AMD1: variants seen among roughly 807,000 people sequenced by gnomAD.
AMD1 encodes S-adenosylmethionine decarboxylase proenzyme.
Under a neutral mutation model 40.2 loss-of-function variants are expected in AMD1, and 11 were observed. The ratio of observed to expected loss-of-function variants is 0.27; its 90% CI spans 0.17 to 0.45. The LOEUF is 0.45. AMD1 is among the 20% of genes least tolerant of loss of function. AMD1 has a pLI of 1.00. For missense variants in AMD1, 257 were observed against 410.2 expected, an observed-to-expected ratio of 0.63 and a Z score of 3.23; for synonymous variants, 121 against 130.8, an observed-to-expected ratio of 0.93 and a Z score of 0.51.
chr6:110,861,312 CAT>C, the AMD1 span, among the ~76,000 whole-genome samples: 2 of 149,470 alleles, frequency 1.3e-5, no homozygotes, highest in Non-Finnish European at 3.0e-5. Flanking sequence ...GAGCCGAGAT[CAT>C]GCCACTGCAC....
chr6:110,876,433 T>C (rs562559834), intron 1 of AMD1, among the ~76,000 whole-genome samples: 1 of 152,270 alleles, frequency 6.6e-6, no homozygotes, highest in East Asian at 1.9e-4. Flanking sequence ...CAATGGGCGT[T>C]TTAGGAGTGT....
the AMD1 span, among the ~76,000 whole-genome samples, chr6:110,847,957 G>A: frequency 2.6e-5 from 4 of 151,270 alleles, no homozygotes; most frequent in East Asian, 4.0e-4. Flanking sequence ...CTTGTGATCC[G>A]CCTGCCTCAG....
At chr6:110,815,682 A>C in the AMD1 span, 3 of 152,438 alleles carry the variant, frequency 2.0e-5, no homozygotes, top group African/African-American at 7.3e-5. Context: ...AGAAAGCTCG[A>C]AGTTCCAGTG....
the AMD1 span, among the ~76,000 whole-genome samples, chr6:110,852,140 C>T: frequency 1.4e-5 from 2 of 147,740 alleles, no homozygotes; most frequent in Non-Finnish European, 3.0e-5. Flanking sequence ...GCATCCTCAA[C>T]CTCCCAGCCT....
At position 110,892,725 on chromosome 6, in the gene AMD1, C is replaced by CG. The variant is rs750803371; in HGVS notation, c.616-10_616-9insG. 7 of 1,454,990 alleles carry CG rather than the reference C, an allele frequency of 4.8e-6. No homozygotes were observed. In the African/African-American group the frequency reaches 2.0e-4, roughly 42 times the overall value. The allele number at this position is 1,454,990 out of a possible 1,614,324, so 90.1% of individuals were successfully genotyped here. ...AACCCTTGTTAAACTCGGTCTTTTT[C>CG]CCCCCCCAGGAGAGTGGAATTCGTG... On this transcript the variant is annotated splice_polypyrimidine_tract_variant and intron_variant, in intron 6 of 8. Transcript: ENST00000368885.
intron 1 of AMD1, chr6:110,875,577 G>A (rs1448433411): frequency 5.6e-6 from 1 of 179,104 alleles, no homozygotes; most frequent in East Asian, 1.5e-4. Flanking sequence ...GGCGGCAGGG[G>A]CCCCAGGTGG....
Position 110,894,936 on chromosome 6 carries a change from A to G in AMD1, c.*1320A>G, listed in dbSNP as rs924978975. 3 of 152,240 alleles carry G rather than the reference A, an allele frequency of 2.0e-5. No homozygotes were observed. Among genetic ancestry groups the G allele is most frequent in the Admixed American group, 2.0e-4 (3 of 15,282 alleles). 9.4% of individuals were successfully genotyped at this position (152,240 alleles called of 1,614,324 possible). ...TCAGATAAACATCATAAAGCAGAAT[A>G]CATTATAAATAAGTAGAATATGAAT... On this transcript the variant is annotated 3_prime_UTR_variant, in exon 9 of 9. Coordinates refer to ENST00000368885, the MANE Select transcript of AMD1 (RefSeq NM_001634.6).
At chr6:110,886,347 G>C (rs768001439) in intron 1 of AMD1, among the ~76,000 whole-genome samples, 10 of 151,944 alleles carry the variant, frequency 6.6e-5, no homozygotes, top group Non-Finnish European at 1.3e-4. Flanking sequence ...CGCCCAGCCT[G>C]GTCTCAAACT....
chr6:110,847,435 G>C, the AMD1 span, among the ~76,000 whole-genome samples: 1 of 151,594 alleles, frequency 6.6e-6, no homozygotes, highest in Admixed American at 6.6e-5. Context: ...TGAGGCAGGA[G>C]AATGGCGTGA....
In AMD1 at chr6:110,888,830, T is replaced by C. The variant is rs779936538; in HGVS notation, c.198-27T>C. On this transcript the variant is annotated intron_variant, in intron 2 of 8. Transcript: ENST00000368885. The stretch of plus-strand genomic sequence containing the variant: ...CCTCAGTAGTACATTAGTATTGTTA[T>C]AATATTGTGACTTTTTTCAACTGCA... The C allele has an allele frequency of 1.9e-5, 31 of 1,606,370 alleles. No individual in the cohort carries two copies. In the South Asian group the frequency reaches 2.7e-4, roughly 14 times the overall value.
the AMD1 span, among the ~76,000 whole-genome samples, chr6:110,829,446 G>A: frequency 5.2e-3 from 784 of 152,018 alleles, 6 homozygotes; most frequent in African/African-American, 0.018. Context: ...TTGGGAGGCT[G>A]AGGCGGGCAG....
the AMD1 span, among the ~76,000 whole-genome samples, chr6:110,849,932 G>C: frequency 0.038 from 5,795 of 151,862 alleles, 403 homozygotes; most frequent in East Asian, 0.35. Flanking sequence ...GGTGGGGGGC[G>C]GGGAATCTCT....
At chr6:110,878,696 A>T (rs1785237599) in intron 1 of AMD1, among the ~76,000 whole-genome samples, 1 of 152,196 alleles carries the variant, frequency 6.6e-6, no homozygotes, top group South Asian at 2.1e-4. Context: ...TTTTTATAAG[A>T]CATGGCAGCT....
chr6:110,881,144 T>C (rs1785388677), intron 1 of AMD1, among the ~76,000 whole-genome samples: 1 of 152,216 alleles, frequency 6.6e-6, no homozygotes, highest in African/African-American at 2.4e-5. Context: ...TTGGGATCAT[T>C]TATCATGATC....
chr6:110,828,328 A>G, the AMD1 span, among the ~76,000 whole-genome samples: 2 of 152,028 alleles, frequency 1.3e-5, no homozygotes, highest in Non-Finnish European at 2.9e-5. Flanking sequence ...CCTACTCGGG[A>G]GGCTGAGGCA....
chr6:110,876,613 C>T (rs1785129406), intron 1 of AMD1, among the ~76,000 whole-genome samples: 1 of 152,076 alleles, frequency 6.6e-6, no homozygotes, highest in Admixed American at 6.6e-5. Flanking sequence ...TGTCACACGT[C>T]TCATTTTTTT....
rs1253241457 is a variant in AMD1, at chr6:110,892,355, C to G, written c.527C>G (p.Thr176Ser). 2.5e-6 allele frequency: 4 copies of G among 1,613,118 alleles called. No individual in the cohort carries two copies. Among genetic ancestry groups the G allele is most frequent in the Non-Finnish European group, 3.4e-6 (4 of 1,180,024 alleles). Reference protein sequence around the residue: ...ESRVISQPDQTLEILMSELDP... With the variant: ...ESRVISQPDQSLEILMSELDP... ...CGGGTAATCAGTCAGCCAGATCAAACCTTGGAAATTCTGATGAGTGAGCTT... is the reference window on the plus strand; with the variant it reads ...CGGGTAATCAGTCAGCCAGATCAAAGCTTGGAAATTCTGATGAGTGAGCTT... The change falls in exon 6 of 9, where the codon ACC (threonine) becomes AGC (serine). Residue 176 changes from threonine (T) to serine (S), a missense_variant. Transcript: ENST00000368885.
chr6:110,868,169 A>G, the AMD1 span, among the ~76,000 whole-genome samples: 1 of 151,218 alleles, frequency 6.6e-6, no homozygotes, highest in Non-Finnish European at 1.5e-5. Context: ...TATTTTTGAG[A>G]CAGAGTCTCA....
At chr6:110,818,818 G>A in the AMD1 span, among the ~76,000 whole-genome samples, 28 of 152,314 alleles carry the variant, frequency 1.8e-4, no homozygotes, top group Non-Finnish European at 2.2e-4. Context: ...GATTATAGGC[G>A]CGAGCCTAAT....
Sources: allele counts gnomAD v4.1 joint callset (sites outside exome capture counted in the v4.1 genomes callset), GRCh38; gene constraint gnomAD v4.1.1; transcripts MANE v1.5; gene names NCBI Gene and HGNC (gene_info 2026-07-23, HGNC 2026-07-21).